The following DLGAP2 variants were observed in gnomAD, a reference collection of about 807,000 sequenced individuals.
DLGAP2 encodes the protein DLG associated protein 2, also known as disks large-associated protein 2.
A neutral mutation model predicts 100.3 loss-of-function variants in DLGAP2; 26 were observed. The ratio of observed to expected loss-of-function variants is 0.26; its 90% CI spans 0.19 to 0.36. The LOEUF (loss-of-function observed/expected upper bound fraction) is 0.36. Among genes scored for constraint, DLGAP2 ranks in the 10% least tolerant of loss-of-function variants. The probability of loss-of-function intolerance (pLI) is 1.00; values close to 1 mark genes in which losing one functional copy is unlikely to be tolerated. For missense variants in DLGAP2, 1,858 were observed against 1,453.2 expected, an observed-to-expected ratio of 1.28 and a Z score of -4.53; for synonymous variants, 886 against 630.1, an observed-to-expected ratio of 1.41 and a Z score of -6.08.
chr8:1,236,253 A>C (rs370188315), intron 2 of DLGAP2, among the ~76,000 whole-genome samples: 828 of 12,904 alleles, frequency 0.064, 2 homozygotes, highest in Middle Eastern at 0.1. Flanking sequence ...ATGTCTAGTT[A>C]TCTCACATGG....
Position 1,056,073 on chromosome 8 carries a change from C to T in DLGAP2, c.73+148107C>T, listed in dbSNP as rs193097151. Reference sequence around the variant, plus strand: ...TAGCTCCCAGGTAGCAATATTTCACCACTGAGTAAGCATTCAGTTGTATGA... The same window carrying T: ...TAGCTCCCAGGTAGCAATATTTCACTACTGAGTAAGCATTCAGTTGTATGA... On this transcript the variant is annotated intron_variant, in intron 2 of 14. Transcript: ENST00000637795. 2.6e-5 allele frequency among the ~76,000 whole-genome samples: 4 copies of T among 152,338 alleles called. No homozygotes were observed. In the East Asian group the frequency reaches 7.7e-4, roughly 29 times the overall value.
At chr8:1,208,906 AAAT>A (rs1421621557) in intron 2 of DLGAP2, among the ~76,000 whole-genome samples, 55 of 149,004 alleles carry the variant, frequency 3.7e-4, no homozygotes, top group Non-Finnish European at 2.4e-4. Flanking sequence ...ATAAATAAAT[AAAT>A]AAAATGCTTA....
intron 3 of DLGAP2, among the ~76,000 whole-genome samples, chr8:1,362,450 G>C (rs1467046222): frequency 1.3e-5 from 2 of 152,064 alleles, no homozygotes; most frequent in Non-Finnish European, 2.9e-5. Flanking sequence ...GTAAGGGCTG[G>C]CGTGGTCCAT....
chr8:1,152,526 G>C (rs977706253), intron 2 of DLGAP2, among the ~76,000 whole-genome samples: 1 of 152,172 alleles, frequency 6.6e-6, no homozygotes, highest in Non-Finnish European at 1.5e-5. Flanking sequence ...CTCTCCCAAA[G>C]GCCCTTTTTT....
chr8:1,667,643 C>T (rs1342230120), intron 8 of DLGAP2, among the ~76,000 whole-genome samples: 1 of 152,244 alleles, frequency 6.6e-6, no homozygotes, highest in Non-Finnish European at 1.5e-5. Context: ...TGTCACTCAA[C>T]AGCCGCGATT....
intron 13 of DLGAP2, among the ~76,000 whole-genome samples, chr8:1,695,454 GC>G (rs1694407204): frequency 7.1e-6 from 1 of 141,268 alleles, no homozygotes; most frequent in African/African-American, 2.9e-5. Flanking sequence ...GAAAGAGGGG[GC>G]ACAGCCATGC....
At chr8:1,186,110 C>G (rs565145486) in intron 2 of DLGAP2, among the ~76,000 whole-genome samples, 1 of 152,202 alleles carries the variant, frequency 6.6e-6, no homozygotes, top group Non-Finnish European at 1.5e-5. Context: ...ACTCGGTGGC[C>G]TCGCCAAGGT....
At chr8:1,123,694 T>C (rs1023835146) in intron 2 of DLGAP2, among the ~76,000 whole-genome samples, 2 of 152,272 alleles carry the variant, frequency 1.3e-5, no homozygotes, top group Middle Eastern at 6.8e-3. Context: ...TTTCTCTATG[T>C]ACAACCTCTT....
chr8:1,525,604 T>C (rs918567760), intron 4 of DLGAP2, among the ~76,000 whole-genome samples: 1 of 152,216 alleles, frequency 6.6e-6, no homozygotes, highest in Non-Finnish European at 1.5e-5. Flanking sequence ...GATCCAACCA[T>C]GTGCGAATCG....
rs1345747505 is a variant in DLGAP2 at position 1,524,303 on chromosome 8, G to GACAACACAGACCCTCACCGGTGCTGA, written c.172+22873_172+22898dup. 2.8e-4 allele frequency among the ~76,000 whole-genome samples: 43 copies of GACAACACAGACCCTCACCGGTGCTGA among 152,140 alleles called. 1 individual carries two copies. Among genetic ancestry groups the GACAACACAGACCCTCACCGGTGCTGA allele is most frequent in the Admixed American group, 2.8e-3 (43 of 15,278 alleles). ...TCCTTAGAAGGTTGTCTCTTTAGGGGACAACACAGACCCTCACCGGTGCTG... is the reference window on the plus strand; with the variant it reads ...TCCTTAGAAGGTTGTCTCTTTAGGGGACAACACAGACCCTCACCGGTGCTGAACAACACAGACCCTCACCGGTGCTG... On this transcript the variant is annotated intron_variant, in intron 4 of 14. Transcript: ENST00000637795.
chr8:771,584 G>C (rs960099133), intron 1 of DLGAP2, among the ~76,000 whole-genome samples: 1 of 152,206 alleles, frequency 6.6e-6, no homozygotes, highest in South Asian at 2.1e-4. Context: ...TTAAAAGGCT[G>C]TCTGTACTAG....
chr8:1,282,624 C>T (rs1197335450), intron 3 of DLGAP2, among the ~76,000 whole-genome samples: 1 of 122,260 alleles, frequency 8.2e-6, no homozygotes, highest in Non-Finnish European at 1.7e-5. Flanking sequence ...ACCATCCAGA[C>T]GTGGTGTGAC....
chr8:818,318 C>G (rs1236320178), intron 1 of DLGAP2, among the ~76,000 whole-genome samples: 1 of 152,206 alleles, frequency 6.6e-6, no homozygotes, highest in African/African-American at 2.4e-5. Context: ...CACTCCCACG[C>G]AGCCCGCTGT....
chr8:1,219,847 A>G (rs111362624), intron 2 of DLGAP2, among the ~76,000 whole-genome samples: 10 of 152,014 alleles, frequency 6.6e-5, no homozygotes, highest in African/African-American at 2.2e-4. Flanking sequence ...GGGAGATGGT[A>G]TGCTTCCTGG....
intron 1 of DLGAP2, among the ~76,000 whole-genome samples, chr8:740,543 A>T (rs1018901017): frequency 1.3e-5 from 2 of 152,236 alleles, no homozygotes; most frequent in Non-Finnish European, 2.9e-5. Flanking sequence ...TGAAATTGGT[A>T]GAAATTCCAA....
At chr8:1,637,977 T>C (rs1008957401) in intron 8 of DLGAP2, among the ~76,000 whole-genome samples, 3 of 152,160 alleles carry the variant, frequency 2.0e-5, no homozygotes, top group Non-Finnish European at 4.4e-5. Context: ...CAGCCTGAAG[T>C]AATGACAAAC....
At chr8:969,602 A>G (rs1323746203) in intron 2 of DLGAP2, among the ~76,000 whole-genome samples, 1 of 152,088 alleles carries the variant, frequency 6.6e-6, no homozygotes, top group African/African-American at 2.4e-5. Flanking sequence ...ATACATATTC[A>G]AAACCTGTTG....
At chr8:1,489,580 T>C (rs1459482589) in intron 3 of DLGAP2, among the ~76,000 whole-genome samples, 1 of 152,216 alleles carries the variant, frequency 6.6e-6, no homozygotes, top group Non-Finnish European at 1.5e-5. Context: ...CTTTTTATAA[T>C]GTTTTATACT....
chr8:1,333,530 C>T (rs767795342), intron 3 of DLGAP2, among the ~76,000 whole-genome samples: 3 of 152,294 alleles, frequency 2.0e-5, no homozygotes, highest in South Asian at 2.1e-4. Context: ...TTTCTCCTCC[C>T]GTGAGTCCTG....
Sources: gnomAD v4.1 joint callset for allele counts (sites outside exome capture counted in the v4.1 genomes callset) on GRCh38, gnomAD v4.1.1 for gene constraint, MANE v1.5 for transcripts, NCBI Gene and HGNC (gene_info 2026-07-23, HGNC 2026-07-21) for gene names.